The following CABP1 variants were observed in gnomAD, a reference collection of about 807,000 sequenced individuals.
The protein encoded by CABP1 is calcium-binding protein 1.
A neutral mutation model predicts 34.3 loss-of-function variants in CABP1; 17 were observed. That is an observed-to-expected ratio of 0.50 (90% confidence interval 0.34 to 0.74). The LOEUF is 0.74. Among genes scored for constraint, CABP1 ranks in the 30% least tolerant of loss-of-function variants. The probability of loss-of-function intolerance (pLI) is 0.01; values close to 1 mark genes in which losing one functional copy is unlikely to be tolerated. For missense variants in CABP1, 373 were observed against 511.1 expected, an observed-to-expected ratio of 0.73 and a Z score of 2.61; for synonymous variants, 198 against 229.2, an observed-to-expected ratio of 0.86 and a Z score of 1.23.
chr12:120,671,255 A>G (rs1461521567), downstream of CABP1, among the ~76,000 whole-genome samples: 1 of 151,972 alleles, frequency 6.6e-6, no homozygotes, highest in African/African-American at 2.4e-5. Flanking sequence ...AAATACAAAA[A>G]TTAGCCAGGC....
chr12:120,678,538 T>C, the CABP1 span, among the ~76,000 whole-genome samples: 13 of 152,230 alleles, frequency 8.5e-5, no homozygotes, highest in Non-Finnish European at 1.8e-4. Context: ...TGAGGACTTC[T>C]ATGGGCCAGG....
At chr12:120,666,053 G>T (rs1437772620) in intron 5 of CABP1, among the ~76,000 whole-genome samples, 1 of 149,314 alleles carries the variant, frequency 6.7e-6, no homozygotes. Flanking sequence ...GAGAGAAGGG[G>T]CTGGGCACGG....
intron 1 of CABP1, among the ~76,000 whole-genome samples, chr12:120,654,885 C>G (rs1880077814): frequency 1.3e-5 from 2 of 152,286 alleles, no homozygotes; most frequent in African/African-American, 4.8e-5. Context: ...GGGAGCACAG[C>G]TATATTAGGT....
rs1879307391 is a variant in CABP1, at chr12:120,641,254, G to T, written c.569G>T (p.Arg190Leu). ...GLRGSLRARG[R>L]GDSVPAAASE... ...CGGGGCTCTCTGCGAGCCCGGGGCCGCGGGGACTCCGTTCCAGCCGCCGCG... is the reference window on the plus strand; with the variant it reads ...CGGGGCTCTCTGCGAGCCCGGGGCCTCGGGGACTCCGTTCCAGCCGCCGCG... The change falls in exon 1 of 6, where the codon CGC (arginine) becomes CTC (leucine). Residue 190 changes from arginine to leucine, a missense_variant. Transcript: ENST00000316803. The surrounding 1 kb of genome is among the most constrained non-coding windows in gnomAD (Gnocchi z 6.7). 1 of 1,291,636 alleles carries T rather than the reference G, an allele frequency of 7.7e-7. No homozygotes were observed. The highest frequency in any genetic ancestry group is 9.8e-7 in the Non-Finnish European group (1 of 1,022,408). 80.0% of individuals were successfully genotyped at this position (1,291,636 alleles called of 1,614,324 possible). A position where few individuals can be genotyped will look rare whatever the true frequency, so the allele number is the denominator to read the frequency against.
At chr12:120,677,839 T>C in the CABP1 span, among the ~76,000 whole-genome samples, 1 of 152,146 alleles carries the variant, frequency 6.6e-6, no homozygotes. Context: ...AAGGCACTTG[T>C]TTTTTCTGTT....
chr12:120,652,034 G>A (rs1322575870), intron 1 of CABP1, among the ~76,000 whole-genome samples: 3 of 152,088 alleles, frequency 2.0e-5, no homozygotes, highest in African/African-American at 7.3e-5. Context: ...GATTACACAG[G>A]CCTCCTCTTT....
intron 5 of CABP1, among the ~76,000 whole-genome samples, chr12:120,663,747 G>C (rs1303353079): frequency 6.6e-6 from 1 of 152,180 alleles, no homozygotes; most frequent in East Asian, 1.9e-4. Context: ...AGGAAACTGA[G>C]GCTCAGAGAA....
chr12:120,655,390 G>A (rs1880111351), intron 1 of CABP1: 4 of 234,414 alleles, frequency 1.7e-5, no homozygotes, highest in South Asian at 1.5e-4. Context: ...CCAAGATCAC[G>A]CCACTGCACT....
intron 5 of CABP1, among the ~76,000 whole-genome samples, chr12:120,662,738 G>A (rs1880733462): frequency 6.9e-6 from 1 of 145,236 alleles, no homozygotes; most frequent in South Asian, 2.2e-4. Flanking sequence ...AGGCTGGAGT[G>A]CAATGGCACG....
chr12:120,663,407 TG>T (rs1880777635), intron 5 of CABP1, among the ~76,000 whole-genome samples: 1 of 152,006 alleles, frequency 6.6e-6, no homozygotes, highest in Non-Finnish European at 1.5e-5. Context: ...CCCGAGTAGC[TG>T]GGACTATAGG....
downstream of CABP1, among the ~76,000 whole-genome samples, chr12:120,670,284 A>G (rs570692662): frequency 5.9e-5 from 9 of 152,324 alleles, no homozygotes; most frequent in East Asian, 1.7e-3. Flanking sequence ...CGTGAGCCAC[A>G]GTGCCCAGCA....
the CABP1 span, among the ~76,000 whole-genome samples, chr12:120,677,343 C>T: frequency 1.3e-5 from 2 of 150,654 alleles, no homozygotes; most frequent in African/African-American, 4.9e-5. Context: ...CTGCCTTGGC[C>T]TCCTAAAGTG....
the CABP1 span, among the ~76,000 whole-genome samples, chr12:120,672,540 G>C: frequency 1.3e-5 from 2 of 150,240 alleles, no homozygotes; most frequent in African/African-American, 4.9e-5. Context: ...GCTGAGGCAG[G>C]AGAATTGCTT....
Position 120,641,167 on chromosome 12 carries a change from C to T in CABP1, c.482C>T (p.Pro161Leu), listed in dbSNP as rs990420164. 6 of 1,238,374 alleles carry T rather than the reference C, an allele frequency of 4.8e-6. No individual in the cohort carries two copies. The African/African-American group carries it at 6.2e-5, about 13-fold the overall frequency. 76.7% of individuals were successfully genotyped at this position (1,238,374 alleles called of 1,614,324 possible). Residue 161 changes from proline to leucine, a missense_variant, in exon 1 of 6, where the codon CCG (proline) becomes CTG (leucine). Physicochemically the swap from Pro to Leu is moderately conservative, Grantham distance 98 (BLOSUM62 -3). Coordinates refer to ENST00000316803, the MANE Select transcript of CABP1 (RefSeq NM_001033677.2). This position sits in a 1 kb window ranked among gnomAD's most constrained non-coding sequence, Gnocchi z 6.7. ...GCGTCCCGACCTTCGCCGTCGTCGCCGCTGCCGCCGGCCCGCGGGCGGGAT... is the reference window on the plus strand; with the variant it reads ...GCGTCCCGACCTTCGCCGTCGTCGCTGCTGCCGCCGGCCCGCGGGCGGGAT... ...AAASRPSPSS[P>L]LPPARGRDGE...
intron 1 of CABP1, among the ~76,000 whole-genome samples, chr12:120,653,158 C>G (rs955081522): frequency 3.3e-5 from 5 of 152,184 alleles, no homozygotes; most frequent in Admixed American, 2.0e-4. Flanking sequence ...GATGCTCCCC[C>G]ACTTCCTCTG....
At chr12:120,647,014 C>A (rs139864660) in intron 1 of CABP1, among the ~76,000 whole-genome samples, 140 of 152,262 alleles carry the variant, frequency 9.2e-4, no homozygotes, top group African/African-American at 2.9e-3. Context: ...GTGATTTTTC[C>A]ATAGGGACCA....
At chr12:120,677,012 A>C in the CABP1 span, among the ~76,000 whole-genome samples, 1 of 151,950 alleles carries the variant, frequency 6.6e-6, no homozygotes, top group Non-Finnish European at 1.5e-5. Context: ...AGTTAAGGCC[A>C]GGAGTTTGAG....
chr12:120,674,639 A>G, the CABP1 span, among the ~76,000 whole-genome samples: 1 of 152,186 alleles, frequency 6.6e-6, no homozygotes, highest in Non-Finnish European at 1.5e-5. Flanking sequence ...CTGTAATCTC[A>G]GCACTTTGGG....
chr12:120,666,180 A>G (rs1318973427), intron 5 of CABP1, among the ~76,000 whole-genome samples: 1 of 144,916 alleles, frequency 6.9e-6, no homozygotes, highest in Non-Finnish European at 1.5e-5. Flanking sequence ...CGTGGGCGAC[A>G]GAGGGAGACT....
Sources: allele counts gnomAD v4.1 joint callset (sites outside exome capture counted in the v4.1 genomes callset), GRCh38; gene constraint gnomAD v4.1.1; non-coding constraint Gnocchi (gnomAD v3.1); transcripts MANE v1.5; gene names NCBI Gene and HGNC (gene_info 2026-07-23, HGNC 2026-07-21).